BLTP2: variants seen among roughly 807,000 people sequenced by gnomAD.
BLTP2 encodes the protein U937-associated antigen.
the BLTP2 span, chr17:28,619,547 C>A: frequency 7.4e-7 from 1 of 1,353,044 alleles, no homozygotes; most frequent in Non-Finnish European, 1.0e-6. Context: ...CCTACATCAG[C>A]CTTTGATAAT....
the BLTP2 span, chr17:28,633,514 T>A: frequency 6.2e-7 from 1 of 1,608,672 alleles, no homozygotes; most frequent in African/African-American, 1.3e-5. Flanking sequence ...AACCATACCA[T>A]CCTGATAGGA....
At chr17:28,615,906 CTACAGATACTGATTTCCCCT>C in the BLTP2 span, 70 of 1,234,498 alleles carry the variant, frequency 5.7e-5, no homozygotes, top group Non-Finnish European at 1.2e-5. Flanking sequence ...CAATAGTAAC[CTACAGATACTGATTTCCCCT>C]TACCTCAGCC....
the BLTP2 span, chr17:28,642,318 C>T: frequency 4.3e-6 from 7 of 1,614,190 alleles, no homozygotes; most frequent in Non-Finnish European, 4.2e-6. Context: ...CTTACATAAG[C>T]TCACCTCACA....
At chr17:28,641,821 A>AT in the BLTP2 span, 3 of 1,407,684 alleles carry the variant, frequency 2.1e-6, no homozygotes, top group South Asian at 2.6e-5. Context: ...TGAGACCACT[A>AT]TTTTTTCTAC....
At chr17:28,623,834 A>C in the BLTP2 span, 1 of 1,614,210 alleles carries the variant, frequency 6.2e-7, no homozygotes, top group Non-Finnish European at 8.5e-7. Flanking sequence ...ATGCCATCCA[A>C]GAGGCAAGTC....
At chr17:28,616,138 G>T in the BLTP2 span, 1 of 1,614,146 alleles carries the variant, frequency 6.2e-7, no homozygotes, top group Non-Finnish European at 8.5e-7. The surrounding 1 kb of genome is among the most constrained non-coding windows in gnomAD (Gnocchi z 4.8). Context: ...TCTTTATGTA[G>T]ATGAAGGAGT....
At chr17:28,617,401 T>C in the BLTP2 span, 1 of 1,014,512 alleles carries the variant, frequency 9.9e-7, no homozygotes, top group South Asian at 1.4e-5. Flanking sequence ...TCCAGTTTGT[T>C]TTCAGGCTCT....
At chr17:28,637,312 T>C in the BLTP2 span, 1 of 698,434 alleles carries the variant, frequency 1.4e-6, no homozygotes, top group Non-Finnish European at 2.4e-6. Context: ...TTAAGTAAAC[T>C]TTCCCTTTCC....
chr17:28,634,454 T>C, the BLTP2 span: 1,265 of 1,324,072 alleles, frequency 9.6e-4, 1 homozygote, highest in Non-Finnish European at 1.1e-3. Flanking sequence ...CTGAAATCAC[T>C]GAGAGCTCCC....
the BLTP2 span, among the ~76,000 whole-genome samples, chr17:28,627,609 G>C: frequency 1.3e-5 from 2 of 151,912 alleles, no homozygotes. Context: ...GGGTTTCACC[G>C]TGTTAGCCAG....
chr17:28,616,736 G>A, the BLTP2 span: 2 of 1,614,212 alleles, frequency 1.2e-6, no homozygotes, highest in African/African-American at 1.3e-5. This position sits in a 1 kb window ranked among gnomAD's most constrained non-coding sequence, Gnocchi z 4.8. Flanking sequence ...GCTGGATGGT[G>A]AGAGGCACCA....
At chr17:28,644,618 G>A in the BLTP2 span, among the ~76,000 whole-genome samples, 1 of 152,166 alleles carries the variant, frequency 6.6e-6, no homozygotes, top group Non-Finnish European at 1.5e-5. Flanking sequence ...CTCGAATGCT[G>A]TTCTCCCCAG....
the BLTP2 span, chr17:28,639,517 A>G: frequency 6.8e-6 from 11 of 1,613,556 alleles, no homozygotes; most frequent in Non-Finnish European, 8.5e-6. Context: ...ACTCAAAACG[A>G]AATAATGTAG....
At chr17:28,645,110 A>T in the BLTP2 span, 2 of 1,512,838 alleles carry the variant, frequency 1.3e-6, no homozygotes, top group African/African-American at 1.4e-5. Flanking sequence ...CCGGGCCCCG[A>T]CGCCGGATCC....
chr17:28,623,550 G>C, the BLTP2 span, among the ~76,000 whole-genome samples: 1 of 148,946 alleles, frequency 6.7e-6, no homozygotes, highest in African/African-American at 2.5e-5. Flanking sequence ...AGAAATGAGA[G>C]TTTCTTTTGC....
chr17:28,635,366 T>TGA, the BLTP2 span: 6 of 1,614,206 alleles, frequency 3.7e-6, no homozygotes, highest in Non-Finnish European at 5.1e-6. Context: ...ACAAAAGCTG[T>TGA]GAGCTTGGCT....
the BLTP2 span, chr17:28,616,755 T>C: frequency 6.2e-7 from 1 of 1,613,456 alleles, no homozygotes; most frequent in South Asian, 1.1e-5. The surrounding 1 kb of genome is among the most constrained non-coding windows in gnomAD (Gnocchi z 4.8). Context: ...CACATTTACC[T>C]AAAAAGGAAA....
the BLTP2 span, chr17:28,632,184 G>C: frequency 7.4e-6 from 12 of 1,614,088 alleles, no homozygotes; most frequent in Non-Finnish European, 1.0e-5. Context: ...TTGCCCAGAA[G>C]TTTTGCATCC....
chr17:28,632,991 C>T, the BLTP2 span: 15 of 1,567,826 alleles, frequency 9.6e-6, no homozygotes, highest in African/African-American at 2.7e-5. Context: ...TGAGGTTCTC[C>T]GAGCGAAAGG....
Sources: gnomAD v4.1 joint callset for allele counts (sites outside exome capture counted in the v4.1 genomes callset) on GRCh38, gnomAD v4.1.1 for gene constraint, Gnocchi (gnomAD v3.1) non-coding constraint, MANE v1.5 for transcripts, NCBI Gene and HGNC (gene_info 2026-07-23, HGNC 2026-07-21) for gene names.